Variants in COMMD1 observed in about 807,000 individuals in gnomAD.
COMMD1 encodes COMM domain-containing protein 1.
Under a neutral mutation model 17.2 loss-of-function variants are expected in COMMD1, and 10 were observed. The ratio of observed to expected loss-of-function variants is 0.58; its 90% CI spans 0.36 to 0.99. COMMD1 has a LOEUF of 0.99. Among genes scored for constraint, COMMD1 ranks in the 50% least tolerant of loss-of-function variants. The pLI, the probability that COMMD1 is intolerant of heterozygous loss-of-function variation, is 0.01. For synonymous variants in COMMD1, 97 were observed against 91.6 expected, an observed-to-expected ratio of 1.06 and a Z score of -0.34; for missense variants, 270 against 231.8, an observed-to-expected ratio of 1.17 and a Z score of -1.07.
chr2:61,926,650 G>A (rs1350757858), intron 1 of COMMD1, among the ~76,000 whole-genome samples: 2 of 151,902 alleles, frequency 1.3e-5, no homozygotes, highest in African/African-American at 2.4e-5. Context: ...GTAAAATGTC[G>A]ACTTACTGAG....
At chr2:61,995,730 C>T (rs1434397722) in intron 1 of COMMD1, among the ~76,000 whole-genome samples, 1 of 152,200 alleles carries the variant, frequency 6.6e-6, no homozygotes, top group African/African-American at 2.4e-5. Flanking sequence ...GCACTTATCT[C>T]ATGGTGCTTT....
intron 1 of COMMD1, among the ~76,000 whole-genome samples, chr2:61,998,552 G>A (rs146880891): frequency 6.8e-4 from 103 of 152,200 alleles, no homozygotes; most frequent in African/African-American, 2.3e-3. Context: ...GAACCACTGC[G>A]CCCGGCTGTG....
intron 1 of COMMD1, among the ~76,000 whole-genome samples, chr2:61,937,573 A>G (rs1182907324): frequency 1.3e-5 from 2 of 152,156 alleles, no homozygotes; most frequent in Non-Finnish European, 2.9e-5. Context: ...TATAATTATT[A>G]TTTATTTTGT....
chr2:61,938,079 C>T lies in COMMD1; in HGVS notation c.180+32221C>T, dbSNP rs1670647577. Among the ~76,000 whole-genome samples the T allele has an allele frequency of 2.6e-5, 4 of 152,228 alleles. No homozygotes were observed. In the South Asian group the frequency reaches 8.3e-4, roughly 32 times the overall value. On this transcript the variant is annotated intron_variant, in intron 1 of 2. Coordinates refer to ENST00000311832, the MANE Select transcript of COMMD1 (RefSeq NM_152516.4). Reference sequence around the variant, plus strand: ...TACAGGTAATTAGGCATGAGCTGGGCAGGAGAGAGGGCTCTCCTCTACCAA... The same window carrying T: ...TACAGGTAATTAGGCATGAGCTGGGTAGGAGAGAGGGCTCTCCTCTACCAA...
intron 2 of COMMD1, among the ~76,000 whole-genome samples, chr2:62,024,204 AT>A (rs1345615192): frequency 6.6e-6 from 1 of 151,970 alleles, no homozygotes; most frequent in East Asian, 1.9e-4. Flanking sequence ...CACGGTGATG[AT>A]TTTTTTGTTT....
intron 2 of COMMD1, among the ~76,000 whole-genome samples, chr2:62,088,157 T>C (rs1390071152): frequency 2.0e-5 from 3 of 152,226 alleles, no homozygotes; most frequent in Non-Finnish European, 4.4e-5. Context: ...GTCTCCTTCA[T>C]TGATGTCTTC....
intron 1 of COMMD1, among the ~76,000 whole-genome samples, chr2:61,987,516 TCCCTTTTTCCCAAATAAACAG>T (rs1457874622): frequency 6.6e-6 from 1 of 152,162 alleles, no homozygotes; most frequent in Admixed American, 6.5e-5. Context: ...CTTGTTCTCT[TCCCTTTTTCCCAAATAAACAG>T]AGTCACTTTC....
chr2:61,892,129 C>T (rs988323295), intron 1 of COMMD1, among the ~76,000 whole-genome samples: 2 of 151,960 alleles, frequency 1.3e-5, no homozygotes, highest in Non-Finnish European at 2.9e-5. Context: ...CCATGCCCGG[C>T]CAGCTTTCCT....
upstream of COMMD1, among the ~76,000 whole-genome samples, chr2:61,902,637 C>A (rs1669681665): frequency 1.3e-5 from 2 of 151,966 alleles, no homozygotes; most frequent in Non-Finnish European, 2.9e-5. Flanking sequence ...TTAAGAAATG[C>A]GAATTAAAAC....
intron 2 of COMMD1, among the ~76,000 whole-genome samples, chr2:62,094,019 G>A (rs149972849): frequency 4.6e-5 from 7 of 152,308 alleles, no homozygotes; most frequent in Non-Finnish European, 1.0e-4. Context: ...GCCCAGTAAT[G>A]CCCCTGGTTG....
At chr2:61,987,357 A>G (rs1672131423) in intron 1 of COMMD1, among the ~76,000 whole-genome samples, 1 of 152,144 alleles carries the variant, frequency 6.6e-6, no homozygotes, top group African/African-American at 2.4e-5. Flanking sequence ...GGTATTTGAA[A>G]GGATGGGGGT....
intron 2 of COMMD1, among the ~76,000 whole-genome samples, chr2:62,063,898 TTAGCCAGGCATGGTGGC>T (rs1670953346): frequency 7.9e-6 from 1 of 126,384 alleles, no homozygotes; most frequent in Non-Finnish European, 1.7e-5. Flanking sequence ...TATATATATA[TTAGCCAGGCATGGTGGC>T]ATATGTCTGT....
chr2:62,024,426 A>T (rs1669698548), intron 2 of COMMD1, among the ~76,000 whole-genome samples: 1 of 152,178 alleles, frequency 6.6e-6, no homozygotes. Flanking sequence ...TTCCATTATA[A>T]TATATGTGAT....
chr2:62,071,820 C>T (rs771061355), intron 2 of COMMD1, among the ~76,000 whole-genome samples: 44 of 152,062 alleles, frequency 2.9e-4, no homozygotes, highest in Non-Finnish European at 8.8e-5. Context: ...TCATTATACC[C>T]CCTCCCTTTT....
chr2:62,051,548 C>T (rs187940823), intron 2 of COMMD1, among the ~76,000 whole-genome samples: 28 of 152,244 alleles, frequency 1.8e-4, no homozygotes, highest in African/African-American at 6.7e-4. Context: ...TCTTTCAAGC[C>T]TCTTGATAGT....
chr2:61,906,755 A>C (rs892387303), intron 1 of COMMD1, among the ~76,000 whole-genome samples: 2 of 148,318 alleles, frequency 1.3e-5, no homozygotes, highest in Non-Finnish European at 2.9e-5. Flanking sequence ...TGAAAAAAAA[A>C]CCTTATATAG....
At chr2:61,943,555 C>G (rs1282443986) in intron 1 of COMMD1, among the ~76,000 whole-genome samples, 1 of 152,214 alleles carries the variant, frequency 6.6e-6, no homozygotes, top group East Asian at 1.9e-4. Flanking sequence ...AGGAATGAGG[C>G]TGGGTGCCTT....
At chr2:61,983,601 A>T (rs1169595923) in intron 1 of COMMD1, among the ~76,000 whole-genome samples, 1 of 152,068 alleles carries the variant, frequency 6.6e-6, no homozygotes, top group African/African-American at 2.4e-5. Context: ...GAATTTATCC[A>T]TTTCTTCTAG....
intron 1 of COMMD1, among the ~76,000 whole-genome samples, chr2:61,907,628 ATTTGT>A (rs1669805932): frequency 6.6e-6 from 1 of 152,130 alleles, no homozygotes; most frequent in Non-Finnish European, 1.5e-5. Flanking sequence ...ATTTTGATTC[ATTTGT>A]TTTGTTAGGA....
Sources: allele counts gnomAD v4.1 joint callset (sites outside exome capture counted in the v4.1 genomes callset), GRCh38; gene constraint gnomAD v4.1.1; transcripts MANE v1.5; gene names NCBI Gene and HGNC (gene_info 2026-07-23, HGNC 2026-07-21).